Variants in AR observed in about 807,000 individuals in gnomAD.
The protein encoded by AR is androgen receptor, also known as dihydrotestosterone receptor.
In AR, 8 loss-of-function variants were observed where a neutral mutation model predicts 53.9. The ratio of observed to expected loss-of-function variants is 0.15; its 90% CI spans 0.09 to 0.27. The LOEUF (loss-of-function observed/expected upper bound fraction) is 0.27. AR is among the 10% of genes least tolerant of loss of function. AR has a pLI of 1.00. For synonymous variants in AR, 359 were observed against 316.4 expected (o/e 1.13, Z -1.43); for missense variants, 639 against 742.5 (o/e 0.86, Z 1.62).
intron 1 of AR, among the ~76,000 whole-genome samples, chrX:67,586,682 G>A (rs1432398509): frequency 8.9e-6 from 1 of 112,102 alleles, no homozygotes; most frequent in African/African-American, 3.2e-5. Context: ...TAGAAGATGA[G>A]GTTAGACGGT....
At chrX:67,601,930 T>C (rs1923383076) in intron 1 of AR, among the ~76,000 whole-genome samples, 1 of 111,942 alleles carries the variant, frequency 8.9e-6, no homozygotes, top group African/African-American at 3.2e-5. Flanking sequence ...AGCAAGTCAG[T>C]GGTGAACCTA....
intron 2 of AR, chrX:67,680,591 ATAC>A: frequency 3.4e-6 from 1 of 290,469 alleles, no homozygotes. Flanking sequence ...AGTGTGAGAA[ATAC>A]TACATTCTTC....
intron 2 of AR, among the ~76,000 whole-genome samples, chrX:67,681,563 T>C (rs777697269): frequency 1.5e-4 from 17 of 112,548 alleles, no homozygotes; most frequent in African/African-American, 5.2e-4. Flanking sequence ...GTGCCCATTT[T>C]CATAAGTGAA....
chrX:67,606,422 A>G lies in AR; in HGVS notation c.1617-36834A>G, dbSNP rs752545259. Among the ~76,000 whole-genome samples, 4 of 112,428 alleles carry G rather than the reference A, an allele frequency of 3.6e-5. No individual in the cohort carries two copies. The South Asian group carries it at 1.1e-3, about 31-fold the overall frequency. ...GAATGATTAAATCAAGCTAATTTGT[A>G]TATCTACCACCTCACATACTTATTT... On this transcript the variant is annotated intron_variant, in intron 1 of 7. Coordinates refer to ENST00000374690, the MANE Select transcript of AR (RefSeq NM_000044.6).
chrX:67,712,551 G>A (rs1278344687), intron 4 of AR, among the ~76,000 whole-genome samples: 5 of 112,204 alleles, frequency 4.5e-5, no homozygotes, highest in Admixed American at 3.8e-4. Flanking sequence ...GCAGCCAAGT[G>A]CTTTATTTCT....
At chrX:67,598,266 T>C (rs980770134) in intron 1 of AR, among the ~76,000 whole-genome samples, 1 of 108,870 alleles carries the variant, frequency 9.2e-6, no homozygotes, top group African/African-American at 3.3e-5. Context: ...ACTGCTTTTG[T>C]GGCACTTTGT....
chrX:67,670,518 T>C (rs61333238), intron 2 of AR, among the ~76,000 whole-genome samples: 6,249 of 106,467 alleles, frequency 0.059, 471 homozygotes, highest in African/African-American at 0.2. Context: ...TATACTAATA[T>C]ATTATATATA....
Position 67,625,501 on chromosome X carries a change from A to G in AR, c.1617-17755A>G, listed in dbSNP as rs1179621078. On this transcript the variant is annotated intron_variant, in intron 1 of 7. Transcript: ENST00000374690. ...GCGTACCCATGCTTCCTGATTCCAAACCTTATTACAAAGCAGTGGTAATCA... is the reference window on the plus strand; with the variant it reads ...GCGTACCCATGCTTCCTGATTCCAAGCCTTATTACAAAGCAGTGGTAATCA... 3.6e-5 allele frequency among the ~76,000 whole-genome samples: 4 copies of G among 111,433 alleles called. No individual in the cohort carries two copies. The East Asian group carries it at 8.4e-4, about 24-fold the overall frequency.
Position 67,546,177 on chromosome X carries a change from C to T in AR, c.1031C>T (p.Thr344Ile), listed in dbSNP as rs771770717. 8.2e-7 allele frequency: 1 copy of T among 1,212,185 alleles called. No homozygotes were observed. Among genetic ancestry groups the T allele is most frequent in the Admixed American group, 2.2e-5 (1 of 46,173 alleles). ...GSSGTLELPSTLSLYKSGALD... is the reference protein window; with the variant it reads ...GSSGTLELPSILSLYKSGALD... ...TCCGGGACACTTGAACTGCCGTCTA[C>T]CCTGTCTCTCTACAAGTCCGGAGCA... is the stretch of plus-strand genomic sequence containing the variant. Residue 344 changes from threonine (T) to isoleucine (I), a missense_variant, in exon 1 of 8, where the codon ACC (threonine) becomes ATC (isoleucine). Thr to Ile is a moderately conservative substitution (Grantham distance 89, BLOSUM62 -1). Coordinates refer to ENST00000374690, the MANE Select transcript of AR (RefSeq NM_000044.6).
At chrX:67,603,016 C>T (rs1923450967) in intron 1 of AR, among the ~76,000 whole-genome samples, 1 of 111,293 alleles carries the variant, frequency 9.0e-6, no homozygotes, top group Admixed American at 9.6e-5. Context: ...TAATAGAGGA[C>T]ATGTATTATT....
chrX:67,646,393 T>A (rs1926060631), intron 2 of AR, among the ~76,000 whole-genome samples: 1 of 111,061 alleles, frequency 9.0e-6, no homozygotes, highest in African/African-American at 3.3e-5. Context: ...GAAAAAATAA[T>A]GCTACTAAGC....
chrX:67,609,962 T>G (rs1001670732), intron 1 of AR, among the ~76,000 whole-genome samples: 4 of 111,644 alleles, frequency 3.6e-5, no homozygotes, highest in Non-Finnish European at 7.5e-5. Context: ...ACAGGAAACG[T>G]AGATTTCTAG....
intron 2 of AR, among the ~76,000 whole-genome samples, chrX:67,682,173 A>G (rs1459018742): frequency 2.7e-5 from 3 of 112,054 alleles, no homozygotes; most frequent in Non-Finnish European, 5.6e-5. Context: ...CTTCTGTTTA[A>G]CATAGTACTG....
intron 2 of AR, among the ~76,000 whole-genome samples, chrX:67,649,281 G>A (rs1304345777): frequency 2.7e-5 from 3 of 112,135 alleles, no homozygotes; most frequent in African/African-American, 9.7e-5. Context: ...TCATTGATGG[G>A]CATTTCGGTT....
intron 3 of AR, among the ~76,000 whole-genome samples, chrX:67,708,298 T>A (rs2076077624): frequency 8.9e-6 from 1 of 111,845 alleles, no homozygotes; most frequent in Non-Finnish European, 1.9e-5. Flanking sequence ...GTAGATTTGG[T>A]CTTTTCACAT....
chrX:67,578,556 A>G (rs1029839005), intron 1 of AR, among the ~76,000 whole-genome samples: 2 of 111,869 alleles, frequency 1.8e-5, no homozygotes, highest in African/African-American at 3.2e-5. Context: ...TGGTTTTGCT[A>G]TTTCTTAGCT....
chrX:67,641,621 G>T (rs1367698345), intron 1 of AR, among the ~76,000 whole-genome samples: 1 of 111,534 alleles, frequency 9.0e-6, no homozygotes, highest in Non-Finnish European at 1.9e-5. Context: ...GCTCTTGCTG[G>T]CTTTCTAGTT....
chrX:67,625,761 G>A (rs764387535), intron 1 of AR, among the ~76,000 whole-genome samples: 51 of 111,776 alleles, frequency 4.6e-4, no homozygotes, highest in Non-Finnish European at 7.5e-4. Flanking sequence ...TGATCTCATG[G>A]TGTATCATGG....
At chrX:67,706,176 G>A (rs184387824) in intron 3 of AR, among the ~76,000 whole-genome samples, 1 of 111,805 alleles carries the variant, frequency 8.9e-6, no homozygotes, top group Non-Finnish European at 1.9e-5. Flanking sequence ...GAGTTAGGGA[G>A]GATTCCCTCT....
Sources: gnomAD v4.1 joint callset for allele counts (sites outside exome capture counted in the v4.1 genomes callset) on GRCh38, gnomAD v4.1.1 for gene constraint, MANE v1.5 for transcripts, NCBI Gene and HGNC (gene_info 2026-07-23, HGNC 2026-07-21) for gene names.